Variants in MECOM observed in about 807,000 individuals in gnomAD.
MECOM encodes the protein histone-lysine N-methyltransferase MECOM.
MECOM carries 13 observed loss-of-function variants against 116.3 expected under a neutral mutation model. The observed-to-expected ratio is 0.11, with a 90% confidence interval of 0.07 to 0.18. The LOEUF is 0.18. Among genes scored for constraint, MECOM ranks in the 10% least tolerant of loss-of-function variants. The probability of loss-of-function intolerance (pLI) is 1.00; values close to 1 mark genes in which losing one functional copy is unlikely to be tolerated. For synonymous variants in MECOM, 528 were observed against 535.2 expected, an observed-to-expected ratio of 0.99 and a Z score of 0.19; for missense variants, 1,299 against 1,509.0, an observed-to-expected ratio of 0.86 and a Z score of 2.31.
intron 2 of MECOM, among the ~76,000 whole-genome samples, chr3:169,361,934 T>G (rs1156695959): frequency 6.6e-6 from 1 of 152,020 alleles, no homozygotes; most frequent in East Asian, 1.9e-4. Flanking sequence ...ACTTTCCTCT[T>G]AAAACAAAGC....
chr3:169,549,933 T>C (rs1194055079), intron 1 of MECOM, among the ~76,000 whole-genome samples: 1 of 152,130 alleles, frequency 6.6e-6, no homozygotes, highest in Non-Finnish European at 1.5e-5. Context: ...CACAGCAGTC[T>C]ATTAGAAAGC....
chr3:169,346,491 T>C (rs1052131025), intron 2 of MECOM, among the ~76,000 whole-genome samples: 5 of 151,992 alleles, frequency 3.3e-5, no homozygotes, highest in African/African-American at 4.8e-5. Flanking sequence ...TGTACTACAG[T>C]AAGAAATATT....
chr3:169,160,453 T>C (rs1186340209), intron 2 of MECOM, among the ~76,000 whole-genome samples: 1 of 151,134 alleles, frequency 6.6e-6, no homozygotes, highest in African/African-American at 2.4e-5. Context: ...TAGTACTTGA[T>C]AGCACAACAG....
chr3:169,259,862 G>A (rs1010481908), intron 2 of MECOM, among the ~76,000 whole-genome samples: 7 of 152,248 alleles, frequency 4.6e-5, no homozygotes, highest in African/African-American at 1.7e-4. Flanking sequence ...TATAGCCCCT[G>A]GAGTCTGACA....
chr3:169,190,933 G>A (rs529040679), intron 2 of MECOM, among the ~76,000 whole-genome samples: 23 of 151,862 alleles, frequency 1.5e-4, no homozygotes, highest in Non-Finnish European at 3.2e-4. Context: ...TTACTAGGTG[G>A]CCACATCTAC....
intron 1 of MECOM, among the ~76,000 whole-genome samples, chr3:169,602,763 G>A (rs1407366339): frequency 6.6e-6 from 1 of 152,168 alleles, no homozygotes; most frequent in Non-Finnish European, 1.5e-5. Context: ...GGAGTTTCCA[G>A]ACCCCACAGA....
intron 8 of MECOM, among the ~76,000 whole-genome samples, chr3:169,114,859 A>G (rs1728618555): frequency 6.6e-6 from 1 of 152,194 alleles, no homozygotes; most frequent in Non-Finnish European, 1.5e-5. Flanking sequence ...TATTATATAC[A>G]AAACATATTC....
At chr3:169,383,726 C>CAGG (rs1441577005) in intron 1 of MECOM, among the ~76,000 whole-genome samples, 1 of 152,192 alleles carries the variant, frequency 6.6e-6, no homozygotes, top group African/African-American at 2.4e-5. Flanking sequence ...CCAGTGTCTG[C>CAGG]AGGTAAAGTA....
intron 2 of MECOM, among the ~76,000 whole-genome samples, chr3:169,254,534 A>T (rs994170126): frequency 6.6e-6 from 1 of 151,948 alleles, no homozygotes; most frequent in South Asian, 2.1e-4. Context: ...TTAACAAACC[A>T]TTTTCTCAGG....
chr3:169,506,927 C>G (rs375632811), intron 1 of MECOM, among the ~76,000 whole-genome samples: 140 of 152,236 alleles, frequency 9.2e-4, no homozygotes, highest in African/African-American at 3.1e-3. Context: ...GGTTGGAAAG[C>G]CATTTGTTTT....
In MECOM at chr3:169,487,345, C is replaced by T. The variant is rs572592186; in HGVS notation, c.38-105821G>A. On this transcript the variant is annotated intron_variant, in intron 1 of 16. Transcript: ENST00000651503. ...TGGAAGTTGTAAGTACAAGGTGAAA[C>T]GAAAACACTTGGCAGCAATTAGCAT... is the stretch of plus-strand genomic sequence containing the variant. 1.0e-3 allele frequency among the ~76,000 whole-genome samples: 152 copies of T among 149,036 alleles called. 1 individual carries two copies. Among genetic ancestry groups the T allele is most frequent in the African/African-American group, 3.5e-3 (140 of 40,374 alleles).
Position 169,408,186 on chromosome 3 carries a change from G to A in MECOM, c.38-26662C>T, listed in dbSNP as rs548868021. Among the ~76,000 whole-genome samples, 12 of 152,188 alleles carry A rather than the reference G, an allele frequency of 7.9e-5. No homozygotes were observed. In the South Asian group the frequency reaches 2.3e-3, roughly 29 times the overall value. On this transcript the variant is annotated intron_variant, in intron 1 of 16. Transcript: ENST00000651503. ...GACCAGAAATAAGAGGAAAACTTCC[G>A]AGAACAGTATAAAAATGACAGATAT...
At chr3:169,656,534 C>T (rs1013712322) in intron 1 of MECOM, among the ~76,000 whole-genome samples, 1 of 152,074 alleles carries the variant, frequency 6.6e-6, no homozygotes, top group African/African-American at 2.4e-5. Context: ...AACCACAAAA[C>T]AGCTTTTATA....
intron 2 of MECOM, among the ~76,000 whole-genome samples, chr3:169,216,475 G>A (rs1230635570): frequency 1.3e-5 from 2 of 151,818 alleles, no homozygotes; most frequent in South Asian, 4.1e-4. Flanking sequence ...TGGCTGCCAG[G>A]TTGCAAGGTC....
chr3:169,097,553 G>A (rs1478182489), intron 12 of MECOM, among the ~76,000 whole-genome samples: 1 of 152,002 alleles, frequency 6.6e-6, no homozygotes, highest in African/African-American at 2.4e-5. Flanking sequence ...CTGGGCCTGG[G>A]TTTTAATCCT....
chr3:169,427,724 G>A (rs1354768269), intron 1 of MECOM, among the ~76,000 whole-genome samples: 2 of 152,292 alleles, frequency 1.3e-5, no homozygotes, highest in East Asian at 3.9e-4. Context: ...GAGGAGTTGA[G>A]AGATTATTGC....
At chr3:169,575,877 A>C (rs1037439505) in intron 1 of MECOM, among the ~76,000 whole-genome samples, 5 of 152,164 alleles carry the variant, frequency 3.3e-5, no homozygotes, top group African/African-American at 7.2e-5. Context: ...GAGTTAAAAA[A>C]AAAACAAAAC....
At chr3:169,313,182 G>A (rs916587653) in intron 2 of MECOM, among the ~76,000 whole-genome samples, 3 of 152,184 alleles carry the variant, frequency 2.0e-5, no homozygotes, top group African/African-American at 7.2e-5. Flanking sequence ...AAATAGTATA[G>A]AATGAGGCCT....
intron 1 of MECOM, among the ~76,000 whole-genome samples, chr3:169,391,504 A>C (rs573149651): frequency 2.6e-5 from 4 of 152,308 alleles, no homozygotes; most frequent in African/African-American, 7.2e-5. Context: ...ACATCATATT[A>C]AATGTAAAAT....
Sources: gnomAD v4.1 joint callset for allele counts (sites outside exome capture counted in the v4.1 genomes callset) on GRCh38, gnomAD v4.1.1 for gene constraint, MANE v1.5 for transcripts, NCBI Gene and HGNC (gene_info 2026-07-23, HGNC 2026-07-21) for gene names.